CEP104: variants seen among roughly 807,000 people sequenced by gnomAD.
CEP104 encodes centrosomal protein 104.
In CEP104, 84 loss-of-function variants were observed where a neutral mutation model predicts 113.3. The observed-to-expected ratio is 0.74, with a 90% confidence interval of 0.62 to 0.89. The LOEUF (loss-of-function observed/expected upper bound fraction) is 0.89, where lower values mean the gene tolerates loss of function less well. Ranked by LOEUF, CEP104 falls within the 40% of genes least tolerant of loss-of-function variation. The probability of loss-of-function intolerance (pLI) is 0.00; values close to 1 mark genes in which losing one functional copy is unlikely to be tolerated. For missense variants in CEP104, 1,053 were observed against 1,156.6 expected, an observed-to-expected ratio of 0.91 and a Z score of 1.30; for synonymous variants, 378 against 421.7, an observed-to-expected ratio of 0.90 and a Z score of 1.27.
At chr1:3,856,729 C>A (rs1644739358) in intron 1 of CEP104, among the ~76,000 whole-genome samples, 160 bp downstream of exon 1, 1 of 152,120 alleles carries the variant, frequency 6.6e-6, no homozygotes, top group African/African-American at 2.4e-5. Context: ...GACAGCAAGG[C>A]CGGCATCTAA....
chr1:3,836,829 C>A (rs1479250673), intron 9 of CEP104, 137 bp from the exon 10 acceptor site: 6 of 666,058 alleles, frequency 9.0e-6, no homozygotes, highest in African/African-American at 1.8e-5. Context: ...TCAGTATCAT[C>A]AGATTAGAAT....
rs35136906 is a variant in CEP104, at chr1:3,815,689, AT to A, written c.2663-173del. Among the ~76,000 whole-genome samples the A allele has an allele frequency of 0.64, 92,389 of 144,344 alleles. 30,355 individuals carry two copies. The highest frequency in any genetic ancestry group is 0.85 in the African/African-American group (33,328 of 39,202). 94.7% of individuals were successfully genotyped at this position (144,344 alleles called of 152,430 possible). A position where few individuals can be genotyped will look rare whatever the true frequency, so the allele number is the denominator to read the frequency against. ...AGTAGGGTCTACTCTTCAGCTTCCT[AT>A]TTTTTTTTTTTTTGTTGAGACAGAG... On this transcript the variant is annotated intron_variant, in intron 21 of 21. Transcript: ENST00000378230.
At chr1:3,853,800 CAG>C (rs2124702842) in intron 1 of CEP104, among the ~76,000 whole-genome samples, 1 of 151,960 alleles carries the variant, frequency 6.6e-6, no homozygotes, top group African/African-American at 2.4e-5. Flanking sequence ...AAAAGCCCCC[CAG>C]AACAGGATGA....
In CEP104 at chr1:3,815,442, C is replaced by G; in HGVS notation, c.2738G>C (p.Gly913Ala). The change falls in exon 22 of 22, where the codon GGA becomes GCA. Residue 913 changes from glycine (G) to alanine (A), a missense_variant. Gly to Ala is a moderately conservative substitution (Grantham distance 60). Coordinates refer to ENST00000378230, the MANE Select transcript of CEP104 (RefSeq NM_014704.4). ...AGSKIPTPKG[G>A]LSKSSSRTYA... is the part of the protein sequence containing the mutation. The stretch of plus-strand genomic sequence containing the variant: ...CGTCCTGCTGGAGCTCTTGCTCAGT[C>G]CGCCCTTCGGGGTGGGGATCTTGCT... 6.2e-7 allele frequency: 1 copy of G among 1,613,362 alleles called. No individual in the cohort carries two copies. The highest frequency in any genetic ancestry group is 8.5e-7 in the Non-Finnish European group (1 of 1,179,884).
chr1:3,837,263 G>T, intron 9 of CEP104, 29 bp downstream of exon 9: 1 of 1,557,180 alleles, frequency 6.4e-7, no homozygotes, highest in Middle Eastern at 1.7e-4. Flanking sequence ...CAAATAAATT[G>T]AACGCCAATC....
intron 21 of CEP104, among the ~76,000 whole-genome samples, chr1:3,815,858 T>C (rs1190709440): frequency 6.6e-6 from 1 of 152,022 alleles, no homozygotes; most frequent in African/African-American, 2.4e-5. Flanking sequence ...CGGCCAATTT[T>C]TTATAGGGTT....
intron 10 of CEP104, 113 bp downstream of exon 10, chr1:3,836,382 G>A: frequency 9.4e-7 from 1 of 1,062,512 alleles, no homozygotes; most frequent in South Asian, 1.7e-5. Context: ...TATTACAAAT[G>A]CAAAGCCGTG....
At chr1:3,831,270 G>A in intron 12 of CEP104, 48 bp from the exon 13 acceptor site, 1 of 1,548,302 alleles carries the variant, frequency 6.5e-7, no homozygotes, top group South Asian at 1.1e-5. Flanking sequence ...AAATGCTGGA[G>A]GCAGTTTAGT....
At chr1:3,838,184 G>A (rs1009278496) in intron 8 of CEP104, among the ~76,000 whole-genome samples, 6 of 152,102 alleles carry the variant, frequency 3.9e-5, no homozygotes, top group African/African-American at 1.2e-4. Flanking sequence ...GCAGGGTCTC[G>A]CTCCATCACC....
chr1:3,822,419 G>A (rs1203216131), intron 20 of CEP104, among the ~76,000 whole-genome samples: 2 of 152,360 alleles, frequency 1.3e-5, no homozygotes, highest in Middle Eastern at 3.4e-3. Context: ...CTGGGACAAG[G>A]GGAGCCAGCA....
At chr1:3,817,767 CTG>C (rs1643902086) in intron 20 of CEP104, among the ~76,000 whole-genome samples, 1 of 152,256 alleles carries the variant, frequency 6.6e-6, no homozygotes, top group Non-Finnish European at 1.5e-5. Flanking sequence ...ATCTGGGTGA[CTG>C]TGGCTTGCTT....
chr1:3,817,834 C>T (rs143097632), intron 20 of CEP104, among the ~76,000 whole-genome samples: 200 of 152,354 alleles, frequency 1.3e-3, no homozygotes, highest in African/African-American at 4.4e-3. Flanking sequence ...TGAACTCATG[C>T]GCCTGGGCTT....
At position 3,847,352 on chromosome 1, in the gene CEP104, C is replaced by T. The variant is rs1375921253; in HGVS notation, c.426+123G>A. The T allele has an allele frequency of 3.9e-6, 4 of 1,025,018 alleles. No homozygotes were observed. The Admixed American group carries it at 1.0e-4, about 26-fold the overall frequency. 63.5% of individuals were successfully genotyped at this position (1,025,018 alleles called of 1,614,324 possible). On this transcript the variant is annotated intron_variant, in intron 4 of 21. Transcript: ENST00000378230. The stretch of plus-strand genomic sequence containing the variant: ...AGCACAGCTCAGAGAGCTCAGCAGT[C>T]TCCCAGAAGAGATCCTCTCTTATAA...
chr1:3,816,468 G>A (rs1643882697), intron 20 of CEP104, 98 bp from the exon 21 acceptor site: 1 of 971,112 alleles, frequency 1.0e-6, no homozygotes, highest in East Asian at 2.7e-5. Context: ...TGAAAACGAG[G>A]GCGGCCGCTC....
chr1:3,839,904 GA>G, intron 6 of CEP104, 128 bp from the exon 7 acceptor site: 1 of 733,930 alleles, frequency 1.4e-6, no homozygotes, highest in Non-Finnish European at 2.2e-6. Context: ...TTTCCTGCAT[GA>G]GAAAACGGGT....
intron 6 of CEP104, chr1:3,843,419 C>A: frequency 1.9e-6 from 1 of 518,318 alleles, no homozygotes; most frequent in Non-Finnish European, 3.4e-6. Context: ...CTCTGTCACC[C>A]AGGCTGGAAT....
At chr1:3,848,525 C>T (rs1306179907) in intron 3 of CEP104, 83 bp downstream of exon 3, 3 of 941,878 alleles carry the variant, frequency 3.2e-6, no homozygotes, top group Admixed American at 5.9e-5. Flanking sequence ...CAGCGAGACT[C>T]CATCTCAAAA....
chr1:3,842,301 C>G (rs1293811607), intron 6 of CEP104, among the ~76,000 whole-genome samples: 1 of 152,170 alleles, frequency 6.6e-6, no homozygotes, highest in African/African-American at 2.4e-5. Flanking sequence ...AGGATGGTCT[C>G]GATCTCCTGA....
In CEP104 at chr1:3,814,377, G is replaced by T. The variant is rs1643841278; in HGVS notation, c.*1025C>A. 6.6e-6 allele frequency: 1 copy of T among 152,248 alleles called. No individual in the cohort carries two copies. Among genetic ancestry groups the T allele is most frequent in the African/African-American group, 2.4e-5 (1 of 41,456 alleles). 9.4% of individuals were successfully genotyped at this position (152,248 alleles called of 1,614,324 possible). On this transcript the variant is annotated 3_prime_UTR_variant, in exon 22 of 22. Coordinates refer to ENST00000378230, the MANE Select transcript of CEP104 (RefSeq NM_014704.4). The stretch of plus-strand genomic sequence containing the variant: ...TCACTCCCACAGGAGGGGATGGCTG[G>T]TTAGGAGACTGTTTTTTGAGGGTTG...
Sources: gnomAD v4.1 joint callset for allele counts (sites outside exome capture counted in the v4.1 genomes callset) on GRCh38, gnomAD v4.1.1 for gene constraint, MANE v1.5 for transcripts, NCBI Gene and HGNC (gene_info 2026-07-23, HGNC 2026-07-21) for gene names.